DLG2: variants seen among roughly 807,000 people sequenced by gnomAD.
The protein encoded by DLG2 is disks large homolog 2.
A neutral mutation model predicts 132.5 loss-of-function variants in DLG2; 45 were observed. The observed-to-expected ratio is 0.34, with a 90% confidence interval of 0.27 to 0.44. The LOEUF (loss-of-function observed/expected upper bound fraction) is 0.44. DLG2 is among the 20% of genes least tolerant of loss of function. The probability of loss-of-function intolerance (pLI) is 1.00; values close to 1 mark genes in which losing one functional copy is unlikely to be tolerated. For synonymous variants in DLG2, 424 were observed against 419.6 expected, an observed-to-expected ratio of 1.01 and a Z score of -0.13; for missense variants, 1,045 against 1,196.9, an observed-to-expected ratio of 0.87 and a Z score of 1.87.
intron 19 of DLG2, among the ~76,000 whole-genome samples, chr11:83,600,231 T>C (rs1437716878): frequency 1.0e-5 from 1 of 97,194 alleles, no homozygotes; most frequent in African/African-American, 5.1e-5. Context: ...CACAGCTAGC[T>C]ATAGGGTGTG....
intron 19 of DLG2, among the ~76,000 whole-genome samples, chr11:83,563,733 T>C (rs1181835283): frequency 6.6e-6 from 1 of 152,206 alleles, no homozygotes. Flanking sequence ...AAAGCCTAGA[T>C]AGGTGTTAGC....
intron 18 of DLG2, among the ~76,000 whole-genome samples, chr11:83,683,862 A>C (rs2079242272): frequency 6.6e-6 from 1 of 152,132 alleles, no homozygotes. Context: ...TCTCTCTACC[A>C]GAGATGGGCT....
intron 7 of DLG2, among the ~76,000 whole-genome samples, chr11:84,254,907 A>C (rs889577931): frequency 1.1e-4 from 16 of 152,196 alleles, no homozygotes; most frequent in African/African-American, 3.9e-4. Context: ...TTGTGTAAAA[A>C]TAAACATATA....
chr11:83,762,112 T>A (rs2093935436), intron 18 of DLG2, among the ~76,000 whole-genome samples: 1 of 152,210 alleles, frequency 6.6e-6, no homozygotes, highest in Non-Finnish European at 1.5e-5. Flanking sequence ...AAGCCAAATA[T>A]GATTTGGTTT....
intron 16 of DLG2, among the ~76,000 whole-genome samples, chr11:83,872,946 C>T (rs1472789254): frequency 6.6e-6 from 1 of 152,170 alleles, no homozygotes; most frequent in African/African-American, 2.4e-5. Flanking sequence ...CTAGTACCAT[C>T]CCAAACAGCA....
intron 14 of DLG2, among the ~76,000 whole-genome samples, chr11:83,947,238 ATT>A (rs10719155): frequency 2.0e-5 from 3 of 151,670 alleles, no homozygotes; most frequent in South Asian, 2.1e-4. Context: ...AACATTCTAG[ATT>A]TTTTTTTTAA....
intron 7 of DLG2, among the ~76,000 whole-genome samples, chr11:84,304,629 C>T (rs2098195083): frequency 6.6e-6 from 1 of 152,112 alleles, no homozygotes; most frequent in South Asian, 2.1e-4. Context: ...CAGCTACAGA[C>T]AATATGTAAA....
chr11:83,544,916 G>A (rs1013948008), intron 19 of DLG2, among the ~76,000 whole-genome samples: 5 of 152,080 alleles, frequency 3.3e-5, no homozygotes, highest in Admixed American at 6.6e-5. Flanking sequence ...CCATGCTCAC[G>A]ATCTAGCAGT....
chr11:84,784,143 CAAA>C (rs59301159), intron 6 of DLG2, among the ~76,000 whole-genome samples: 1,194 of 8,398 alleles, frequency 0.14, 3 homozygotes, highest in Non-Finnish European at 0.17. Context: ...ACTAAAAATG[CAAA>C]AAAAAAAAAA....
chr11:85,526,850 C>T (rs541763087), intron 3 of DLG2, among the ~76,000 whole-genome samples: 4 of 152,212 alleles, frequency 2.6e-5, no homozygotes, highest in African/African-American at 9.6e-5. Flanking sequence ...AGGGGCCCAA[C>T]ATAAATACTA....
intron 6 of DLG2, among the ~76,000 whole-genome samples, chr11:85,017,745 C>T (rs2059690882): frequency 1.3e-5 from 2 of 152,284 alleles, no homozygotes; most frequent in South Asian, 2.1e-4. Flanking sequence ...AATACACAAC[C>T]TCCACCCTCA....
In DLG2 at chr11:84,289,924, C is replaced by T. The variant is rs61899207; in HGVS notation, c.520-38633G>A. On this transcript the variant is annotated intron_variant, in intron 7 of 27. Transcript: ENST00000376104. ...ATGGTCAGGCCCCTCAAAGTAGTAA[C>T]CAGATCCAGAATATAGTAATGCATT... Among the ~76,000 whole-genome samples the T allele has an allele frequency of 3.8e-3, 584 of 152,166 alleles. 3 individuals carry two copies. The highest frequency in any genetic ancestry group is 6.5e-3 in the Non-Finnish European group (444 of 67,980).
intron 7 of DLG2, among the ~76,000 whole-genome samples, chr11:84,393,240 C>G (rs1016585150): frequency 6.6e-6 from 1 of 151,918 alleles, no homozygotes; most frequent in African/African-American, 2.4e-5. Flanking sequence ...ACTTGTATAG[C>G]AAAGATGCAT....
chr11:85,332,297 A>G (rs915275264), intron 3 of DLG2, among the ~76,000 whole-genome samples: 1 of 152,000 alleles, frequency 6.6e-6, no homozygotes. Context: ...TTCTTTGCCC[A>G]TTTTTTATTA....
chr11:84,817,786 C>A (rs1357291621), intron 6 of DLG2, among the ~76,000 whole-genome samples: 1 of 151,926 alleles, frequency 6.6e-6, no homozygotes, highest in Admixed American at 6.6e-5. Flanking sequence ...TCATCTCCTG[C>A]TTAGATGGGA....
chr11:85,374,464 T>C (rs965699709), intron 3 of DLG2, among the ~76,000 whole-genome samples: 11 of 152,350 alleles, frequency 7.2e-5, no homozygotes, highest in Admixed American at 4.6e-4. Context: ...AGAGAACTCC[T>C]GAGCTATAAA....
chr11:83,780,542 G>A (rs1382960368), intron 18 of DLG2, among the ~76,000 whole-genome samples: 2 of 152,154 alleles, frequency 1.3e-5, no homozygotes, highest in African/African-American at 4.8e-5. Context: ...GTTCATAGAG[G>A]CATCTGTGAG....
intron 3 of DLG2, among the ~76,000 whole-genome samples, chr11:85,329,029 C>T (rs1476804367): frequency 1.7e-5 from 2 of 116,400 alleles, no homozygotes; most frequent in African/African-American, 3.4e-5. Flanking sequence ...TTCACAATTG[C>T]TTCAAAGAGA....
chr11:85,474,970 G>C (rs1393406293), intron 3 of DLG2, among the ~76,000 whole-genome samples: 2 of 150,652 alleles, frequency 1.3e-5, no homozygotes, highest in African/African-American at 4.9e-5. Context: ...TAAAATCAAA[G>C]AACATAGAAA....
Sources: gnomAD v4.1 joint callset for allele counts (sites outside exome capture counted in the v4.1 genomes callset) on GRCh38, gnomAD v4.1.1 for gene constraint, MANE v1.5 for transcripts, NCBI Gene and HGNC (gene_info 2026-07-23, HGNC 2026-07-21) for gene names.